The following CCDC187 variants were observed in gnomAD, a reference collection of about 807,000 sequenced individuals.
The protein encoded by CCDC187 is coiled-coil domain containing 187.
In CCDC187, 32 loss-of-function variants were observed where a neutral mutation model predicts 38.0. The observed-to-expected ratio is 0.84, with a 90% CI of 0.64 to 1.13. The LOEUF is 1.13. Ranked by LOEUF, CCDC187 falls within the 50% of genes most tolerant of loss-of-function variation. The pLI is 0.00. For missense variants in CCDC187, 707 were observed against 786.8 expected (o/e 0.90, Z 1.21); for synonymous variants, 333 against 347.9 (o/e 0.96, Z 0.48).
chr9:136,253,080 TGGGGTCTTGGCCCCTGGTG>T lies in CCDC187; in HGVS notation c.*495_*513del, dbSNP rs1410015372. ...TTCCTGTTCTTACCCAGCATTTCTTTGGGGTCTTGGCCCCTGGTGGGGGTCTTGGCCAAGCAGGCTCGGC... is the reference window on the plus strand; with the variant it reads ...TTCCTGTTCTTACCCAGCATTTCTTTGGGGTCTTGGCCAAGCAGGCTCGGC... On this transcript the variant is annotated 3_prime_UTR_variant, in exon 26 of 26. Coordinates refer to ENST00000638797, the MANE Select transcript of CCDC187 (RefSeq NM_001378188.1). 6.6e-6 allele frequency: 1 copy of T among 152,432 alleles called. No individual in the cohort carries two copies. Among genetic ancestry groups the T allele is most frequent in the Non-Finnish European group, 1.5e-5 (1 of 68,270 alleles). 9.4% of individuals were successfully genotyped at this position (152,432 alleles called of 1,614,324 possible).
At chr9:136,260,057 G>T in intron 20 of CCDC187, 62 bp downstream of exon 20, 1 of 983,224 alleles carries the variant, frequency 1.0e-6, no homozygotes. Flanking sequence ...ACCCCACACT[G>T]CCCAGGGCCC....
At chr9:136,286,958 G>A (rs1158750726) in intron 7 of CCDC187, among the ~76,000 whole-genome samples, 2 of 152,230 alleles carry the variant, frequency 1.3e-5, no homozygotes, top group Non-Finnish European at 1.5e-5. Flanking sequence ...GTCCTGCTGT[G>A]GCCAGAGGCA....
intron 20 of CCDC187, 58 bp from the exon 21 acceptor site, chr9:136,259,506 G>A (rs1830656542): frequency 3.4e-6 from 3 of 892,080 alleles, no homozygotes; most frequent in Non-Finnish European, 4.0e-6. Context: ...ACCAGGAAGG[G>A]AAGGAAGGAG....
chr9:136,275,176 C>T (rs1830909004), intron 12 of CCDC187, among the ~76,000 whole-genome samples, 169 bp from the exon 13 acceptor site: 1 of 152,134 alleles, frequency 6.6e-6, no homozygotes, highest in Non-Finnish European at 1.5e-5. Flanking sequence ...GGCCGACAGC[C>T]CCCTTCTGCC....
At chr9:136,261,830 T>TG (rs1160004102) in intron 19 of CCDC187, among the ~76,000 whole-genome samples, 3 of 152,312 alleles carry the variant, frequency 2.0e-5, no homozygotes, top group African/African-American at 7.2e-5. Flanking sequence ...CTGCTGGCCC[T>TG]GGGGGCCTGA....
intron 23 of CCDC187, among the ~76,000 whole-genome samples, 185 bp from the exon 24 acceptor site, chr9:136,256,508 G>GA (rs35653770): frequency 0.17 from 25,772 of 152,102 alleles, 2,470 homozygotes; most frequent in Admixed American, 0.25. Flanking sequence ...TGCCACCATG[G>GA]AAAAAAAGTC....
In CCDC187 at chr9:136,253,564, C is replaced by T. The variant is rs1450044962; in HGVS notation, c.*30G>A. 7 of 981,732 alleles carry T rather than the reference C, an allele frequency of 7.1e-6. No individual in the cohort carries two copies. Among genetic ancestry groups the T allele is most frequent in the East Asian group, 2.3e-4 (2 of 8,804 alleles). 60.8% of individuals were successfully genotyped at this position (981,732 alleles called of 1,614,324 possible). ...CCAACTGGTCGTCAACGCTTCCACC[C>T]GGACCAGCCACCCCTGGGCAGAGCC... On this transcript the variant is annotated 3_prime_UTR_variant, in exon 26 of 26. Transcript: ENST00000638797.
chr9:136,292,734 G>A (rs1831365251), intron 4 of CCDC187, among the ~76,000 whole-genome samples: 1 of 152,176 alleles, frequency 6.6e-6, no homozygotes, highest in African/African-American at 2.4e-5. Flanking sequence ...ATCGGGCTCC[G>A]CGCAGCACGG....
intron 4 of CCDC187, among the ~76,000 whole-genome samples, chr9:136,293,203 A>T (rs925646963): frequency 1.4e-5 from 2 of 144,432 alleles, no homozygotes; most frequent in Non-Finnish European, 3.0e-5. Context: ...TCACACACTC[A>T]CAAACACATG....
At chr9:136,262,512 C>T (rs1830691664) in intron 18 of CCDC187, 50 bp from the exon 19 acceptor site, 4 of 986,636 alleles carry the variant, frequency 4.1e-6, no homozygotes, top group Non-Finnish European at 4.8e-6. Flanking sequence ...CTGCCCATTT[C>T]CTCCTCAGAA....
At chr9:136,259,999 G>A in intron 20 of CCDC187, 120 bp downstream of exon 20, 1 of 846,334 alleles carries the variant, frequency 1.2e-6, no homozygotes, top group Non-Finnish European at 1.4e-6. Flanking sequence ...TCACAGGCGG[G>A]GCACAGCAGG....
chr9:136,255,896 C>T lies in CCDC187; in HGVS notation c.4617-163G>A, dbSNP rs117907303. On this transcript the variant is annotated intron_variant, in intron 24 of 25. Coordinates refer to ENST00000638797, the MANE Select transcript of CCDC187 (RefSeq NM_001378188.1). ...ACCTGAGTGACCCTGAGGGCAAGGG[C>T]TCCCCGAGGGCTTGTCTTTGGGGGC... Among the ~76,000 whole-genome samples the T allele has an allele frequency of 4.8e-4, 73 of 152,292 alleles. No individual in the cohort carries two copies. In the East Asian group the frequency reaches 0.014, roughly 29 times the overall value.
intron 14 of CCDC187, among the ~76,000 whole-genome samples, chr9:136,269,300 A>G (rs1005737243): frequency 1.3e-5 from 2 of 152,254 alleles, no homozygotes; most frequent in Non-Finnish European, 2.9e-5. Context: ...CTATTAATGA[A>G]AAGTCTGAAA....
intron 24 of CCDC187, 35 bp downstream of exon 24, chr9:136,256,176 G>A (rs1436147437): frequency 1.1e-5 from 11 of 972,714 alleles, no homozygotes; most frequent in African/African-American, 1.8e-5. Context: ...CGTGCCTCAC[G>A]CTCCACCCCT....
chr9:136,277,001 C>T (rs1452983026), intron 10 of CCDC187, among the ~76,000 whole-genome samples: 1 of 152,018 alleles, frequency 6.6e-6, no homozygotes, highest in African/African-American at 2.4e-5. Flanking sequence ...ATCTCCTCGT[C>T]CCTGCTAAGG....
intron 10 of CCDC187, among the ~76,000 whole-genome samples, chr9:136,278,624 T>A (rs1282724810): frequency 6.6e-6 from 1 of 152,182 alleles, no homozygotes; most frequent in Non-Finnish European, 1.5e-5. Flanking sequence ...CTGGTAGTGA[T>A]GATGTTAACT....
In CCDC187 at chr9:136,253,572, C is replaced by G; in HGVS notation, c.*22G>C. ...TCGTCAACGCTTCCACCCGGACCAG[C>G]CACCCCTGGGCAGAGCCCCAACTAC... On this transcript the variant is annotated 3_prime_UTR_variant, in exon 26 of 26. Transcript: ENST00000638797. 4 of 984,446 alleles carry G rather than the reference C, an allele frequency of 4.1e-6. No homozygotes were observed. Among genetic ancestry groups the G allele is most frequent in the Non-Finnish European group, 4.8e-6 (4 of 828,982 alleles). The allele number at this position is 984,446 out of a possible 1,614,324, so 61.0% of individuals were successfully genotyped here.
At chr9:136,300,952 A>G (rs903960100) in intron 2 of CCDC187, among the ~76,000 whole-genome samples, 13 of 152,222 alleles carry the variant, frequency 8.5e-5, no homozygotes, top group Non-Finnish European at 1.9e-4. Context: ...CTGAGAATGC[A>G]TCCAGTGGGG....
At chr9:136,288,301 G>A (rs1289483083) in intron 7 of CCDC187, among the ~76,000 whole-genome samples, 1 of 152,188 alleles carries the variant, frequency 6.6e-6, no homozygotes, top group East Asian at 1.9e-4. Flanking sequence ...GTGCCTTCAA[G>A]ACAAAATGGA....
Sources: gnomAD v4.1 joint callset for allele counts (sites outside exome capture counted in the v4.1 genomes callset) on GRCh38, gnomAD v4.1.1 for gene constraint, MANE v1.5 for transcripts, NCBI Gene and HGNC (gene_info 2026-07-23, HGNC 2026-07-21) for gene names.